The following KYNU variants were observed in gnomAD, a reference collection of about 807,000 sequenced individuals.
KYNU encodes kynureninase.
In KYNU, 54 loss-of-function variants were observed where a neutral mutation model predicts 59.2. The ratio of observed to expected loss-of-function variants is 0.91; its 90% CI spans 0.73 to 1.14. KYNU has a LOEUF of 1.14. Ranked by LOEUF, KYNU falls within the 50% of genes most tolerant of loss-of-function variation. The probability of loss-of-function intolerance (pLI) is 0.00; values close to 1 mark genes in which losing one functional copy is unlikely to be tolerated. For synonymous variants in KYNU, 177 were observed against 192.0 expected (o/e 0.92, Z 0.65); for missense variants, 567 against 554.4 (o/e 1.02, Z -0.23).
chr2:142,923,175 T>C (rs902035890), intron 3 of KYNU, among the ~76,000 whole-genome samples: 7 of 152,232 alleles, frequency 4.6e-5, no homozygotes, highest in Non-Finnish European at 1.0e-4. Flanking sequence ...ATTCAGATGA[T>C]AGTAGAACCA....
At chr2:142,924,493 T>C (rs1361419429) in intron 3 of KYNU, among the ~76,000 whole-genome samples, 2 of 152,170 alleles carry the variant, frequency 1.3e-5, no homozygotes, top group Non-Finnish European at 1.5e-5. Flanking sequence ...ATTGTAATTA[T>C]TTACTTATGG....
chr2:142,960,609 C>T lies in KYNU; in HGVS notation c.583-15C>T. 1 of 1,610,280 alleles carries T rather than the reference C, an allele frequency of 6.2e-7. No homozygotes were observed. Among genetic ancestry groups the T allele is most frequent in the Non-Finnish European group, 8.5e-7 (1 of 1,176,926 alleles). On this transcript the variant is annotated splice_polypyrimidine_tract_variant and intron_variant, in intron 7 of 13. Transcript: ENST00000264170. ...TATTATCGATATGACCTAACTTGTG[C>T]CTAACTTGATTTAGGGGGAAGAAAC... is the stretch of plus-strand genomic sequence containing the variant.
intron 10 of KYNU, among the ~76,000 whole-genome samples, chr2:143,021,430 T>A (rs1256983022): frequency 6.6e-6 from 1 of 152,214 alleles, no homozygotes; most frequent in African/African-American, 2.4e-5. Flanking sequence ...CTCACATTGC[T>A]ATAAAGAAAT....
chr2:142,931,203 C>A (rs532168303), intron 4 of KYNU, among the ~76,000 whole-genome samples: 1 of 152,226 alleles, frequency 6.6e-6, no homozygotes, highest in Non-Finnish European at 1.5e-5. Context: ...AGGAGTTATT[C>A]ATCTCCTTAA....
Position 143,046,378 on chromosome 2 carries a change from T to A in KYNU, c.*4206T>A, listed in dbSNP as rs180934702. ...CATTCATTTTCACTGCTGCTCAGTA[T>A]TGTATTACAAATTTTACATTTGTTT... On this transcript the variant is annotated 3_prime_UTR_variant, in exon 14 of 14. Coordinates refer to ENST00000264170, the MANE Select transcript of KYNU (RefSeq NM_003937.3). The A allele has an allele frequency of 6.6e-6, 1 of 152,278 alleles. No individual in the cohort carries two copies. Among genetic ancestry groups the A allele is most frequent in the Admixed American group, 6.6e-5 (1 of 15,266 alleles). 9.4% of individuals were successfully genotyped at this position (152,278 alleles called of 1,614,324 possible).
rs144205549 is a variant in KYNU at position 142,900,718 on chromosome 2, T to C, written c.169+15182T>C. Reference sequence around the variant, plus strand: ...TCTCAACAGGAAAACCCAAGTGCTGTTGAGAGATTGGCCGATGATTGCTCT... The same window carrying C: ...TCTCAACAGGAAAACCCAAGTGCTGCTGAGAGATTGGCCGATGATTGCTCT... On this transcript the variant is annotated intron_variant, in intron 2 of 13. Coordinates refer to ENST00000264170, the MANE Select transcript of KYNU (RefSeq NM_003937.3). Among the ~76,000 whole-genome samples the C allele has an allele frequency of 7.8e-4, 119 of 152,260 alleles. 1 individual carries two copies. In the East Asian group the frequency reaches 0.014, roughly 18 times the overall value.
intron 2 of KYNU, among the ~76,000 whole-genome samples, chr2:142,912,387 T>TTTTTTTTTTTTTTTTTTTTTTTTTTC (rs1558917019): frequency 7.2e-6 from 1 of 139,300 alleles, no homozygotes; most frequent in Non-Finnish European, 1.5e-5. Context: ...TTTTTTTTTT[T>TTTTTTTTTTTTTTTTTTTTTTTTTTC]TTTTTTTTTG....
chr2:142,889,526 T>C (rs1385374273), intron 2 of KYNU, among the ~76,000 whole-genome samples: 1 of 150,534 alleles, frequency 6.6e-6, no homozygotes, highest in Non-Finnish European at 1.5e-5. Flanking sequence ...GGCAGGGGAT[T>C]GGAGAAGATC....
At chr2:142,934,507 GA>G (rs1249499586) in intron 4 of KYNU, among the ~76,000 whole-genome samples, 2 of 152,104 alleles carry the variant, frequency 1.3e-5, no homozygotes, top group African/African-American at 4.8e-5. Flanking sequence ...GTGAGTGAAG[GA>G]AAAGGTGTAT....
At chr2:142,894,293 C>T (rs1681799666) in intron 2 of KYNU, among the ~76,000 whole-genome samples, 1 of 152,068 alleles carries the variant, frequency 6.6e-6, no homozygotes, top group South Asian at 2.1e-4. Context: ...GTCCAAGAAG[C>T]TTGTTGGGAG....
intron 6 of KYNU, 26 bp downstream of exon 6, chr2:142,956,300 A>T (rs1684163408): frequency 1.4e-6 from 2 of 1,424,208 alleles, no homozygotes; most frequent in East Asian, 4.6e-5. Context: ...AATTGTATTT[A>T]TGTTCTTTCT....
intron 4 of KYNU, among the ~76,000 whole-genome samples, chr2:142,953,296 C>T (rs929532288): frequency 1.3e-5 from 2 of 152,174 alleles, no homozygotes; most frequent in South Asian, 2.1e-4. Flanking sequence ...TGAAGTCAAC[C>T]TCTCAGGGAA....
intron 12 of KYNU, among the ~76,000 whole-genome samples, chr2:143,034,466 AG>A (rs1185752057): frequency 6.6e-6 from 1 of 152,196 alleles, no homozygotes; most frequent in Non-Finnish European, 1.5e-5. Flanking sequence ...ACTGGATGGC[AG>A]CATCAAGTTC....
intron 10 of KYNU, among the ~76,000 whole-genome samples, chr2:142,994,462 C>T (rs1685483328): frequency 6.6e-6 from 1 of 152,102 alleles, no homozygotes; most frequent in Admixed American, 6.6e-5. Context: ...CATCTATTGT[C>T]CTCATGACCA....
At chr2:142,955,245 A>G (rs1684123666) in intron 5 of KYNU, among the ~76,000 whole-genome samples, 1 of 152,094 alleles carries the variant, frequency 6.6e-6, no homozygotes, top group South Asian at 2.1e-4. Context: ...GTGGATCAGT[A>G]TACTTTTGTA....
At chr2:142,961,920 TCA>T (rs1684366422) in intron 8 of KYNU, among the ~76,000 whole-genome samples, 1 of 152,208 alleles carries the variant, frequency 6.6e-6, no homozygotes, top group Admixed American at 6.5e-5. Context: ...GTTAATATAT[TCA>T]GTTATTGAAG....
chr2:142,917,937 A>G (rs1682720289), intron 2 of KYNU, among the ~76,000 whole-genome samples: 4 of 152,210 alleles, frequency 2.6e-5, no homozygotes, highest in Admixed American at 6.5e-5. Context: ...GTAGTTTACA[A>G]ATGTGATTGT....
rs377251725 is a variant in KYNU, at chr2:143,028,698, G to A, written c.903-929G>A. ...CCGTCTCTACTAAAAATACAAAAAAGTTAGCCGGGCGTGGTGGCACATGCC... is the reference window on the plus strand; with the variant it reads ...CCGTCTCTACTAAAAATACAAAAAAATTAGCCGGGCGTGGTGGCACATGCC... On this transcript the variant is annotated intron_variant, in intron 10 of 13. Coordinates refer to ENST00000264170, the MANE Select transcript of KYNU (RefSeq NM_003937.3). Among the ~76,000 whole-genome samples, 3 of 151,282 alleles carry A rather than the reference G, an allele frequency of 2.0e-5. No individual in the cohort carries two copies. In the East Asian group the frequency reaches 5.9e-4, roughly 30 times the overall value.
intron 12 of KYNU, among the ~76,000 whole-genome samples, chr2:143,035,671 G>A (rs1011918801): frequency 1.3e-5 from 2 of 152,066 alleles, no homozygotes; most frequent in African/African-American, 4.8e-5. Context: ...GCTTAGCATG[G>A]CCTCAAACTC....
Sources: gnomAD v4.1 joint callset for allele counts (sites outside exome capture counted in the v4.1 genomes callset) on GRCh38, gnomAD v4.1.1 for gene constraint, MANE v1.5 for transcripts, NCBI Gene and HGNC (gene_info 2026-07-23, HGNC 2026-07-21) for gene names.